CAPN13: variants seen among roughly 807,000 people sequenced by gnomAD.
CAPN13 encodes the protein calpain-13.
CAPN13 carries 90 observed loss-of-function variants against 98.4 expected under a neutral mutation model. That is an observed-to-expected ratio of 0.92 (90% CI 0.77 to 1.09). The LOEUF (loss-of-function observed/expected upper bound fraction) is 1.09, where lower values mean the gene tolerates loss of function less well. CAPN13 is among the 50% of genes least tolerant of loss of function. CAPN13 has a pLI of 0.00. For missense variants in CAPN13, 887 were observed against 841.3 expected, an observed-to-expected ratio of 1.05 and a Z score of -0.67; for synonymous variants, 330 against 305.5, an observed-to-expected ratio of 1.08 and a Z score of -0.84.
chr2:30,806,620 G>A (rs1237845208), intron 1 of CAPN13, among the ~76,000 whole-genome samples: 1 of 152,178 alleles, frequency 6.6e-6, no homozygotes, highest in Non-Finnish European at 1.5e-5. Context: ...ATTCTAATCT[G>A]GTTAACTTGG....
chr2:30,723,543 A>G (rs1670761153), intron 22 of CAPN13, among the ~76,000 whole-genome samples: 1 of 151,972 alleles, frequency 6.6e-6, no homozygotes, highest in South Asian at 2.1e-4. Flanking sequence ...ACTGGAGTGG[A>G]GGGAAACTTG....
intron 5 of CAPN13, 118 bp downstream of exon 5, chr2:30,770,195 A>T: frequency 7.3e-7 from 1 of 1,367,872 alleles, no homozygotes; most frequent in Non-Finnish European, 1.0e-6. Context: ...GTGATTGTTT[A>T]TGGAGATGCC....
chr2:30,797,057 C>T (rs373287106), intron 1 of CAPN13, among the ~76,000 whole-genome samples: 15 of 152,258 alleles, frequency 9.9e-5, no homozygotes, highest in East Asian at 3.9e-4. Flanking sequence ...ATGTGCCAGA[C>T]GGGCGGGAGG....
intron 7 of CAPN13, among the ~76,000 whole-genome samples, chr2:30,758,544 A>T (rs1672579633): frequency 6.6e-6 from 1 of 152,152 alleles, no homozygotes; most frequent in Admixed American, 6.5e-5. Context: ...ACGCAGCCTG[A>T]TTCTCTGCCG....
At chr2:30,791,711 T>G (rs750429015) in intron 1 of CAPN13, among the ~76,000 whole-genome samples, 9 of 152,278 alleles carry the variant, frequency 5.9e-5, no homozygotes, top group Non-Finnish European at 1.2e-4. Context: ...GTCCTCATTC[T>G]GCCTCATACA....
intron 1 of CAPN13, among the ~76,000 whole-genome samples, chr2:30,804,591 C>T (rs1184974865): frequency 1.3e-5 from 2 of 152,150 alleles, no homozygotes; most frequent in Non-Finnish European, 2.9e-5. Context: ...TATCAAGGAG[C>T]CCCCAGCAAC....
At chr2:30,798,129 C>T (rs561295611) in intron 1 of CAPN13, among the ~76,000 whole-genome samples, 39 of 152,350 alleles carry the variant, frequency 2.6e-4, no homozygotes, top group African/African-American at 7.0e-4. Context: ...ACTGGCCATA[C>T]GTAGCTATTG....
rs77435618 is a variant in CAPN13, at chr2:30,788,349, A to G, written c.-32-992T>C. ...TCCCTCAGTAAATGTTAGCATCCCA[A>G]TTTTCCTTGAGTTGACAAGGAAGGC... On this transcript the variant is annotated intron_variant, in intron 1 of 22. Coordinates refer to ENST00000295055, the MANE Select transcript of CAPN13 (RefSeq NM_144575.3). Among the ~76,000 whole-genome samples the G allele has an allele frequency of 5.2e-3, 798 of 152,218 alleles. 6 individuals carry two copies. Among genetic ancestry groups the G allele is most frequent in the African/African-American group, 0.018 (753 of 41,530 alleles).
chr2:30,755,529 C>A (rs543464626), intron 8 of CAPN13, among the ~76,000 whole-genome samples: 1 of 152,200 alleles, frequency 6.6e-6, no homozygotes, highest in South Asian at 2.1e-4. Flanking sequence ...GTTCCAGAAG[C>A]CAGTCCTTGG....
intron 4 of CAPN13, among the ~76,000 whole-genome samples, chr2:30,771,105 G>A (rs1057344806): frequency 2.6e-5 from 4 of 152,218 alleles, no homozygotes; most frequent in African/African-American, 7.2e-5. Context: ...TGCTAAGAGC[G>A]CAGATGAACC....
chr2:30,785,647 T>C (rs765311467), intron 2 of CAPN13, among the ~76,000 whole-genome samples: 3 of 152,162 alleles, frequency 2.0e-5, no homozygotes, highest in Middle Eastern at 3.2e-3. Context: ...TGTTGTGAGA[T>C]TCAGATAATT....
chr2:30,755,130 C>A (rs553553641), intron 8 of CAPN13, among the ~76,000 whole-genome samples: 5 of 151,912 alleles, frequency 3.3e-5, no homozygotes, highest in South Asian at 2.1e-4. Flanking sequence ...ACACCACCCC[C>A]CCAAGCCCAA....
In CAPN13 at chr2:30,787,118, G is replaced by T. The variant is rs539317275; in HGVS notation, c.198+10C>A. The T allele has an allele frequency of 2.7e-5, 41 of 1,546,838 alleles. No individual in the cohort carries two copies. Among genetic ancestry groups the T allele is most frequent in the African/African-American group, 4.1e-5 (3 of 73,118 alleles). ...CTGGAGCTGGGTATGCTCGTGTGGG[G>T]CTCACTCACCTGTGGCCGCTTCCAT... On this transcript the variant is annotated intron_variant, in intron 2 of 22. Transcript: ENST00000295055.
At chr2:30,743,279 T>C (rs917287766) in intron 13 of CAPN13, 104 bp downstream of exon 13, 8 of 1,024,486 alleles carry the variant, frequency 7.8e-6, no homozygotes, top group Admixed American at 3.5e-5. Context: ...CCCAGTGACA[T>C]AGCACAGGCT....
rs994617524 is a variant in CAPN13, at chr2:30,731,331, G to A, written c.1983+13C>T. The A allele has an allele frequency of 2.5e-6, 4 of 1,607,428 alleles. No homozygotes were observed. The highest frequency in any genetic ancestry group is 3.4e-6 in the Non-Finnish European group (4 of 1,176,842). ...GGGACTGTGCCTGCCCCGGGGAGGG[G>A]AAGGTACCTCACCTCCATTTCTGTC... On this transcript the variant is annotated intron_variant, in intron 21 of 22. Transcript: ENST00000295055.
chr2:30,768,735 C>A (rs1673236659), intron 5 of CAPN13, among the ~76,000 whole-genome samples: 1 of 140,382 alleles, frequency 7.1e-6, no homozygotes, highest in African/African-American at 3.3e-5. Flanking sequence ...TCTCCTCCAC[C>A]CCAAGACAAG....
At chr2:30,791,010 G>A (rs542557424) in intron 1 of CAPN13, among the ~76,000 whole-genome samples, 2 of 152,152 alleles carry the variant, frequency 1.3e-5, no homozygotes, top group African/African-American at 2.4e-5. Context: ...ATCATGTTGG[G>A]GGTTAGGGTT....
At chr2:30,800,508 T>C (rs961574217) in intron 1 of CAPN13, among the ~76,000 whole-genome samples, 7 of 152,170 alleles carry the variant, frequency 4.6e-5, no homozygotes, top group Non-Finnish European at 2.9e-5. Flanking sequence ...AAAGAATCTG[T>C]GAAGCTCCAC....
intron 2 of CAPN13, among the ~76,000 whole-genome samples, chr2:30,782,019 C>A (rs999408156): frequency 2.0e-5 from 3 of 152,014 alleles, no homozygotes; most frequent in African/African-American, 7.2e-5. Flanking sequence ...TTGTGGAGAC[C>A]TTTCTCCAGG....
Sources: gnomAD v4.1 joint callset for allele counts (sites outside exome capture counted in the v4.1 genomes callset) on GRCh38, gnomAD v4.1.1 for gene constraint, MANE v1.5 for transcripts, NCBI Gene and HGNC (gene_info 2026-07-23, HGNC 2026-07-21) for gene names.